The following CLCA2 variants were observed in gnomAD, a reference collection of about 807,000 sequenced individuals.
The protein encoded by CLCA2 is chloride channel accessory 2, also known as calcium-activated chloride channel regulator 2.
A neutral mutation model predicts 82.9 loss-of-function variants in CLCA2; 85 were observed. The observed-to-expected ratio is 1.03, with a 90% CI of 0.86 to 1.23. CLCA2 has a LOEUF of 1.23. CLCA2 is among the 50% of genes most tolerant of loss of function. CLCA2 has a pLI of 0.00. For missense variants in CLCA2, 1,089 were observed against 1,124.8 expected (o/e 0.97, Z 0.45); for synonymous variants, 421 against 391.7 (o/e 1.07, Z -0.88).
At chr1:86,438,422 A>G (rs1053871953) in intron 6 of CLCA2, among the ~76,000 whole-genome samples, 1 of 152,194 alleles carries the variant, frequency 6.6e-6, no homozygotes, top group Admixed American at 6.5e-5. Flanking sequence ...ACCCAGCCTA[A>G]GGTGACCACA....
intron 2 of CLCA2, among the ~76,000 whole-genome samples, chr1:86,428,190 C>A (rs914231816): frequency 3.9e-5 from 6 of 152,084 alleles, no homozygotes; most frequent in African/African-American, 1.2e-4. Flanking sequence ...ATAACATAGA[C>A]CTTTTTGGAA....
At chr1:86,448,638 C>A (rs1339838067) in intron 11 of CLCA2, among the ~76,000 whole-genome samples, 1 of 152,180 alleles carries the variant, frequency 6.6e-6, no homozygotes, top group Non-Finnish European at 1.5e-5. Context: ...CCTGTTGTTT[C>A]AAAGTTAATC....
Position 86,428,480 on chromosome 1 carries a change from C to T in CLCA2, c.387C>T (p.Tyr129=), listed in dbSNP as rs1344624342. 1.2e-6 allele frequency: 2 copies of T among 1,613,164 alleles called. No individual in the cohort carries two copies. Among genetic ancestry groups the T allele is most frequent in the East Asian group, 4.5e-5 (2 of 44,868 alleles). Residue 129 remains tyrosine (Y), a synonymous_variant, in exon 3 of 14, where the codon TAC becomes TAT. Transcript: ENST00000370565. The stretch of plus-strand genomic sequence containing the variant: ...GAGATGATCCATACACCCTACAATA[C>T]AGAGGGTGTGGAAAAGAGGGAAAAT... ...AHGDDPYTLQ[Y]RGCGKEGKYI...
At chr1:86,442,190 A>G (rs566300231) in intron 9 of CLCA2, among the ~76,000 whole-genome samples, 6 of 152,324 alleles carry the variant, frequency 3.9e-5, no homozygotes, top group Non-Finnish European at 7.3e-5. Context: ...GATGTGACCA[A>G]TGCAGCCTGT....
chr1:86,444,057 T>G (rs768205010), intron 10 of CLCA2, 46 bp downstream of exon 10: 2 of 1,277,038 alleles, frequency 1.6e-6, no homozygotes. Context: ...CAACCAAGTT[T>G]ATGATTTTCA....
intron 2 of CLCA2, among the ~76,000 whole-genome samples, chr1:86,427,136 G>T (rs3765975): frequency 0.63 from 95,700 of 151,902 alleles, 30,518 homozygotes; most frequent in Non-Finnish European, 0.69. Context: ...ACAATGAGAT[G>T]TAGGTAGGAA....
chr1:86,439,017 G>A lies in CLCA2; in HGVS notation c.1114G>A (p.Asp372Asn). The change falls in exon 7 of 14, where the codon GAT (aspartate) becomes AAT (asparagine). Residue 372 changes from aspartate to asparagine, a missense_variant. Asp to Asn is a conservative substitution (Grantham distance 23). Transcript: ENST00000370565. ...GCTACACCAAATTAACAGCAATGAT[G>A]ATCGAAAGTTGCTGGTTTCATATCT... ...AQLHQINSND[D>N]RKLLVSYLPT... 6.2e-7 allele frequency: 1 copy of A among 1,614,130 alleles called. No individual in the cohort carries two copies. The highest frequency in any genetic ancestry group is 1.3e-5 in the African/African-American group (1 of 75,048).
At chr1:86,452,176 C>CTTTTTTTT (rs753484167) in intron 12 of CLCA2, among the ~76,000 whole-genome samples, 32 of 43,934 alleles carry the variant, frequency 7.3e-4, no homozygotes, top group East Asian at 4.1e-3. Context: ...AACCTGGAAG[C>CTTTTTTTT]TTTTTTTTTT....
intron 5 of CLCA2, among the ~76,000 whole-genome samples, chr1:86,433,153 C>A (rs1225384081): frequency 1.3e-5 from 2 of 152,182 alleles, no homozygotes; most frequent in African/African-American, 4.8e-5. Flanking sequence ...GATGAAGCAG[C>A]CTGGAACAGC....
chr1:86,429,262 T>C (rs1662446731), intron 3 of CLCA2, among the ~76,000 whole-genome samples: 1 of 152,208 alleles, frequency 6.6e-6, no homozygotes, highest in Non-Finnish European at 1.5e-5. Flanking sequence ...GGATTTCCTA[T>C]GCGCTAGCCG....
chr1:86,453,325 T>A, intron 12 of CLCA2, 44 bp from the exon 13 acceptor site: 1 of 1,485,464 alleles, frequency 6.7e-7, no homozygotes, highest in Non-Finnish European at 9.3e-7. Context: ...ATTCAGAAGC[T>A]TTGTAATTTG....
Position 86,450,641 on chromosome 1 carries a change from A to G in CLCA2, c.2063A>G (p.Lys688Arg), listed in dbSNP as rs766911563. 1 of 1,613,550 alleles carries G rather than the reference A, an allele frequency of 6.2e-7. No homozygotes were observed. Among genetic ancestry groups the G allele is most frequent in the Non-Finnish European group, 8.5e-7 (1 of 1,179,676 alleles). Residue 688 changes from lysine to arginine, a missense_variant, in exon 12 of 14, where the codon AAA becomes AGA. Coordinates refer to ENST00000370565, the MANE Select transcript of CLCA2 (RefSeq NM_006536.7). ...SFAANGRYSL[K>R]VHVNHSPSIS... is the part of the protein sequence containing the mutation. ...GCTGCAAATGGTAGATATAGCTTGA[A>G]AGTGCATGTCAATCACTCTCCCAGC...
chr1:86,432,335 A>T, intron 4 of CLCA2, 34 bp from the exon 5 acceptor site: 1 of 1,608,010 alleles, frequency 6.2e-7, no homozygotes, highest in Non-Finnish European at 8.5e-7. Context: ...TTTCTAAAAT[A>T]GACCTAATTC....
intron 9 of CLCA2, among the ~76,000 whole-genome samples, chr1:86,441,823 G>A (rs545275831): frequency 1.3e-5 from 2 of 152,312 alleles, no homozygotes; most frequent in South Asian, 4.1e-4. Context: ...CAGAGGCAAG[G>A]TGCAGAAGAA....
Position 86,453,431 on chromosome 1 carries a change from G to A in CLCA2, c.2218G>A (p.Gly740Ser), listed in dbSNP as rs1663013107. ...VGRNEEERKWGFSRVSSGGSF... is the reference protein window; with the variant it reads ...VGRNEEERKWSFSRVSSGGSF... ...CAGAAATGAGGAGGAGCGAAAGTGG[G>A]GCTTTAGCCGAGTCAGCTCAGGAGG... The change falls in exon 13 of 14, where the codon GGC becomes AGC. Residue 740 changes from glycine (G) to serine (S), a missense_variant. Coordinates refer to ENST00000370565, the MANE Select transcript of CLCA2 (RefSeq NM_006536.7). 1.2e-6 allele frequency: 2 copies of A among 1,613,984 alleles called. No individual in the cohort carries two copies. Among genetic ancestry groups the A allele is most frequent in the Admixed American group, 1.7e-5 (1 of 59,996 alleles).
At chr1:86,440,107 G>T in intron 7 of CLCA2, 41 bp from the exon 8 acceptor site, 1 of 1,593,746 alleles carries the variant, frequency 6.3e-7, no homozygotes, top group Non-Finnish European at 8.6e-7. Context: ...AAAACAATTT[G>T]AACTACACTT....
At chr1:86,435,932 T>TA (rs34457421) in intron 6 of CLCA2, among the ~76,000 whole-genome samples, 85,811 of 127,932 alleles carry the variant, frequency 0.67, 24,856 homozygotes, top group South Asian at 0.74. Flanking sequence ...TTTAAATGGT[T>TA]AAAAAAAAAA....
intron 12 of CLCA2, among the ~76,000 whole-genome samples, chr1:86,451,951 T>C (rs570271950): frequency 6.6e-6 from 1 of 152,238 alleles, no homozygotes; most frequent in Non-Finnish European, 1.5e-5. Context: ...TTAATCCATA[T>C]GCCTTTAATA....
chr1:86,428,355 T>C (rs1662428451), intron 2 of CLCA2, 63 bp from the exon 3 acceptor site: 1 of 1,462,980 alleles, frequency 6.8e-7, no homozygotes, highest in Non-Finnish European at 9.2e-7. Flanking sequence ...TTAATGAATG[T>C]ATACATTTAT....
Sources: gnomAD v4.1 joint callset for allele counts (sites outside exome capture counted in the v4.1 genomes callset) on GRCh38, gnomAD v4.1.1 for gene constraint, MANE v1.5 for transcripts, NCBI Gene and HGNC (gene_info 2026-07-23, HGNC 2026-07-21) for gene names.